The following UPRT variants were observed in gnomAD, a reference collection of about 807,000 sequenced individuals.
UPRT encodes uracil phosphoribosyltransferase homolog.
UPRT carries 5 observed loss-of-function variants against 22.6 expected under a neutral mutation model. The ratio of observed to expected loss-of-function variants is 0.22; its 90% CI spans 0.12 to 0.47. The LOEUF is 0.47. Among genes scored for constraint, UPRT ranks in the 20% least tolerant of loss-of-function variants. The pLI is 0.99. For missense variants in UPRT, 181 were observed against 239.9 expected (o/e 0.75, Z 1.62); for synonymous variants, 77 against 87.7 (o/e 0.88, Z 0.68).
intron 6 of UPRT, 49 bp from the exon 7 acceptor site, chrX:75,303,356 A>G (rs1422930569): frequency 3.0e-6 from 3 of 996,746 alleles, no homozygotes; most frequent in Non-Finnish European, 4.2e-6. Flanking sequence ...CTGAATTACA[A>G]CTGGTGTTAC....
At chrX:75,295,207 T>C (rs2082721987) in intron 2 of UPRT, among the ~76,000 whole-genome samples, 2 of 110,548 alleles carry the variant, frequency 1.8e-5, no homozygotes, top group African/African-American at 6.6e-5. Context: ...TCCTTGGCCC[T>C]CAGATCCTTG....
At chrX:75,291,677 A>G (rs1038536375) in intron 1 of UPRT, 3 of 134,506 alleles carry the variant, frequency 2.2e-5, no homozygotes, top group African/African-American at 3.2e-5. Context: ...TATTCTAGAT[A>G]TACTTTAATT....
intron 4 of UPRT, among the ~76,000 whole-genome samples, chrX:75,178,629 T>C (rs1374433933): frequency 9.1e-6 from 1 of 109,816 alleles, no homozygotes; most frequent in Non-Finnish European, 1.9e-5. Context: ...GGCTCAGGAG[T>C]GAAGCTGCAG....
chrX:75,256,788 G>A (rs1314049666), intron 4 of UPRT, among the ~76,000 whole-genome samples: 1 of 111,592 alleles, frequency 9.0e-6, no homozygotes, highest in African/African-American at 3.3e-5. Context: ...ATAAGTTCCT[G>A]GAAAGAAATA....
At chrX:75,245,130 A>G (rs928184467) in intron 4 of UPRT, among the ~76,000 whole-genome samples, 1 of 111,138 alleles carries the variant, frequency 9.0e-6, no homozygotes, top group Non-Finnish European at 1.9e-5. Context: ...ATCAACAGAC[A>G]CTTTTCAAAG....
intron 2 of UPRT, among the ~76,000 whole-genome samples, chrX:75,162,366 TGTGTGGC>T (rs2082202610): frequency 1.8e-5 from 2 of 111,639 alleles, no homozygotes; most frequent in Non-Finnish European, 3.8e-5. Flanking sequence ...TCTTTTTATC[TGTGTGGC>T]ATGTAGACCC....
intron 4 of UPRT, among the ~76,000 whole-genome samples, chrX:75,234,871 A>G (rs1322385726): frequency 9.0e-6 from 1 of 111,710 alleles, no homozygotes; most frequent in Non-Finnish European, 1.9e-5. Context: ...ATCACAATTA[A>G]AAGAACTAGG....
chrX:75,284,701 C>G lies in UPRT; in HGVS notation c.387-8771C>G, dbSNP rs754877440. Among the ~76,000 whole-genome samples, 38 of 111,115 alleles carry G rather than the reference C, an allele frequency of 3.4e-4. 1 individual carries two copies. Among genetic ancestry groups the G allele is most frequent in the Non-Finnish European group, 6.6e-4 (35 of 52,915 alleles). On this transcript the variant is annotated intron_variant, in intron 1 of 6. Coordinates refer to ENST00000373383, the MANE Select transcript of UPRT (RefSeq NM_145052.4). Reference sequence around the variant, plus strand: ...CCAGTGCCTGTTCCAGTGGAGGTGGCAGGGGGGGGTGCAGTGGACTCCATT... The same window carrying G: ...CCAGTGCCTGTTCCAGTGGAGGTGGGAGGGGGGGGTGCAGTGGACTCCATT...
At chrX:75,180,681 G>GTTTTTTTTTTTTTTTTTTT (rs59522302) in intron 4 of UPRT, among the ~76,000 whole-genome samples, 5 of 43,889 alleles carry the variant, frequency 1.1e-4, no homozygotes, top group African/African-American at 2.8e-4. Context: ...CCTTTTCTCT[G>GTTTTTTTTTTTTTTTTTTT]TTTTTTTTTT....
chrX:75,232,596 G>A (rs1201148083), intron 4 of UPRT, among the ~76,000 whole-genome samples: 1 of 112,219 alleles, frequency 8.9e-6, no homozygotes, highest in Non-Finnish European at 1.9e-5. Context: ...TCTGAGAATG[G>A]GCAGACTGCC....
chrX:75,183,226 A>G (rs372858374), intron 4 of UPRT, among the ~76,000 whole-genome samples: 2 of 109,746 alleles, frequency 1.8e-5, no homozygotes, highest in African/African-American at 3.3e-5. Context: ...CCTGTGTCCA[A>G]GTGTTCTCAC....
chrX:75,244,164 C>T (rs906961462), intron 4 of UPRT, among the ~76,000 whole-genome samples: 4 of 111,392 alleles, frequency 3.6e-5, no homozygotes, highest in African/African-American at 1.3e-4. Context: ...GATACCAATA[C>T]CAAAACAACA....
Position 75,227,702 on chromosome X carries a change from A to G in UPRT, c.-447+59823A>G, listed in dbSNP as rs1474397690. Among the ~76,000 whole-genome samples the G allele has an allele frequency of 2.7e-5, 3 of 112,674 alleles. No homozygotes were observed. In the East Asian group the frequency reaches 8.4e-4, roughly 31 times the overall value. On this transcript the variant is annotated intron_variant, in intron 4 of 13. Coordinates refer to the UPRT transcript ENST00000652605. ...TACTGTAAAAGAAGCCAAATGCAAT[A>G]TAATACATAGTGCATATACTTACAA...
chrX:75,298,274 G>A (rs1338311684), intron 4 of UPRT, among the ~76,000 whole-genome samples: 1 of 110,249 alleles, frequency 9.1e-6, no homozygotes, highest in Non-Finnish European at 1.9e-5. Context: ...TTATGGGCAT[G>A]AGCCACCATA....
At chrX:75,268,766 A>T (rs767710486) in intron 4 of UPRT, among the ~76,000 whole-genome samples, 11 of 111,824 alleles carry the variant, frequency 9.8e-5, no homozygotes, top group Non-Finnish European at 1.1e-4. Flanking sequence ...TGTCAATATA[A>T]TAAGAGCTAT....
At chrX:75,184,792 G>A (rs1350137885) in intron 4 of UPRT, among the ~76,000 whole-genome samples, 3 of 111,184 alleles carry the variant, frequency 2.7e-5, no homozygotes, top group Non-Finnish European at 5.7e-5. Flanking sequence ...AAGCAATTGT[G>A]AATGGAGTTC....
At chrX:75,288,333 G>A (rs1281895034) in intron 1 of UPRT, among the ~76,000 whole-genome samples, 1 of 111,183 alleles carries the variant, frequency 9.0e-6, no homozygotes, top group Admixed American at 9.5e-5. Flanking sequence ...CTATGAATCC[G>A]ATGAATCCAG....
chrX:75,247,298 A>G (rs1391907628), intron 4 of UPRT, among the ~76,000 whole-genome samples: 1 of 110,952 alleles, frequency 9.0e-6, no homozygotes, highest in East Asian at 2.9e-4. Context: ...TCATCCGGGA[A>G]GCGCAAGGGG....
intron 4 of UPRT, among the ~76,000 whole-genome samples, chrX:75,266,651 G>A (rs955438232): frequency 1.8e-5 from 2 of 111,053 alleles, no homozygotes; most frequent in East Asian, 5.6e-4. Context: ...GAGTGAACAG[G>A]CAACCTACAG....
Sources: gnomAD v4.1 joint callset for allele counts (sites outside exome capture counted in the v4.1 genomes callset) on GRCh38, gnomAD v4.1.1 for gene constraint, MANE v1.5 for transcripts, NCBI Gene and HGNC (gene_info 2026-07-23, HGNC 2026-07-21) for gene names.